Variants in PIP5K1B observed in about 807,000 individuals in gnomAD.
The protein encoded by PIP5K1B is phosphatidylinositol-4-phosphate 5-kinase type 1 beta.
In PIP5K1B, 42 loss-of-function variants were observed where a neutral mutation model predicts 67.0. That is an observed-to-expected ratio of 0.63 (90% CI 0.49 to 0.81). The LOEUF (loss-of-function observed/expected upper bound fraction) is 0.81. PIP5K1B is among the 30% of genes least tolerant of loss of function. The probability of loss-of-function intolerance (pLI) is 0.00; values close to 1 mark genes in which losing one functional copy is unlikely to be tolerated. For synonymous variants in PIP5K1B, 214 were observed against 231.4 expected (o/e 0.92, Z 0.68); for missense variants, 459 against 646.3 (o/e 0.71, Z 3.14).
chr9:68,845,380 G>A (rs1468352271), intron 4 of PIP5K1B, among the ~76,000 whole-genome samples: 2 of 152,230 alleles, frequency 1.3e-5, no homozygotes, highest in African/African-American at 4.8e-5. Flanking sequence ...AGCCAGAGCC[G>A]TGGAGCCGTG....
At chr9:68,801,921 G>A (rs1436666792) in intron 2 of PIP5K1B, among the ~76,000 whole-genome samples, 1 of 152,234 alleles carries the variant, frequency 6.6e-6, no homozygotes, top group Non-Finnish European at 1.5e-5. Context: ...AGAGAGTGAA[G>A]TCAGTGTGTT....
In PIP5K1B at chr9:68,788,222, T is replaced by C. The variant is rs1587450853; in HGVS notation, c.-85-30239T>C. On this transcript the variant is annotated intron_variant, in intron 2 of 15. Transcript: ENST00000265382. ...GGAATGTGTGGGCCCAGGAGGGGAC[T>C]GTCCTAGGAGACAGGCCGATACTTT... 4 of 343,388 alleles carry C rather than the reference T, an allele frequency of 1.2e-5. No homozygotes were observed. In the East Asian group the frequency reaches 3.5e-4, roughly 30 times the overall value. 21.3% of individuals were successfully genotyped at this position (343,388 alleles called of 1,614,324 possible). A position where few individuals can be genotyped will look rare whatever the true frequency, so the allele number is the denominator to read the frequency against.
intron 15 of PIP5K1B, among the ~76,000 whole-genome samples, chr9:69,001,473 C>T (rs897015596): frequency 1.3e-5 from 2 of 152,034 alleles, no homozygotes; most frequent in Non-Finnish European, 2.9e-5. Flanking sequence ...AAACAACTAC[C>T]CAAGACTGGG....
chr9:68,862,345 C>T (rs959913660), intron 4 of PIP5K1B, among the ~76,000 whole-genome samples: 2 of 152,124 alleles, frequency 1.3e-5, no homozygotes, highest in Admixed American at 6.5e-5. Context: ...TGCGAGCCAT[C>T]TGAATAGAAA....
intron 3 of PIP5K1B, chr9:68,822,276 ACAC>A (rs1009571793): frequency 1.3e-4 from 23 of 177,074 alleles, no homozygotes; most frequent in Non-Finnish European, 7.1e-5. Context: ...AGCCATGATC[ACAC>A]CACTGCATTC....
At chr9:68,946,117 C>T (rs2132662203) in intron 14 of PIP5K1B, among the ~76,000 whole-genome samples, 1 of 152,228 alleles carries the variant, frequency 6.6e-6, no homozygotes, top group East Asian at 1.9e-4. Flanking sequence ...TTAGAAAATC[C>T]TATATCTTCT....
Position 68,991,257 on chromosome 9 carries a change from A to G in PIP5K1B, c.1620A>G (p.Leu540=), listed in dbSNP as rs763786022. ...DDNASVLDVY[L] ...ATGCTTCTGTGCTTGACGTCTATTTAGTAAGTAATTTTTTAGTTTCCTCTC... is the reference window on the plus strand; with the variant it reads ...ATGCTTCTGTGCTTGACGTCTATTTGGTAAGTAATTTTTTAGTTTCCTCTC... The change falls in exon 15 of 16, where the codon TTA becomes TTG. Residue 540 remains leucine (L), a splice_region_variant and synonymous_variant. Transcript: ENST00000265382. 36 of 1,555,970 alleles carry G rather than the reference A, an allele frequency of 2.3e-5. No individual in the cohort carries two copies. The highest frequency in any genetic ancestry group is 3.1e-5 in the Non-Finnish European group (35 of 1,127,024).
chr9:68,731,037 T>C (rs1289026457), intron 1 of PIP5K1B, among the ~76,000 whole-genome samples: 1 of 152,244 alleles, frequency 6.6e-6, no homozygotes, highest in African/African-American at 2.4e-5. Context: ...ATGACTTCCA[T>C]AATCTTCACT....
intron 3 of PIP5K1B, among the ~76,000 whole-genome samples, chr9:68,821,629 T>A (rs1833735217): frequency 6.6e-6 from 1 of 152,238 alleles, no homozygotes; most frequent in Admixed American, 6.5e-5. Context: ...GCAGTGTGAA[T>A]GAGTATACTC....
intron 14 of PIP5K1B, among the ~76,000 whole-genome samples, chr9:68,948,256 A>G (rs1827895017): frequency 1.3e-5 from 2 of 152,196 alleles, no homozygotes; most frequent in Non-Finnish European, 1.5e-5. Flanking sequence ...TCCATTTTAA[A>G]AATCAAAACC....
Position 68,873,090 on chromosome 9 carries a change from A to G in PIP5K1B, c.201-3587A>G, listed in dbSNP as rs541361033. On this transcript the variant is annotated intron_variant, in intron 5 of 15. Coordinates refer to ENST00000265382, the MANE Select transcript of PIP5K1B (RefSeq NM_003558.4). ...CTCAATTTACATTCCCACTAACAAT[A>G]TTTCAGAATAGCATTGCCCCTCAAG... is the stretch of plus-strand genomic sequence containing the variant. Among the ~76,000 whole-genome samples, 3 of 152,074 alleles carry G rather than the reference A, an allele frequency of 2.0e-5. 1 individual carries two copies. In the South Asian group the frequency reaches 6.2e-4, roughly 32 times the overall value.
chr9:68,855,340 CTT>C (rs1173436353), intron 4 of PIP5K1B, among the ~76,000 whole-genome samples: 1 of 152,148 alleles, frequency 6.6e-6, no homozygotes, highest in African/African-American at 2.4e-5. Context: ...CCCTCTCTCT[CTT>C]GGTTTTCTCA....
chr9:68,844,652 A>T (rs968046789), intron 4 of PIP5K1B, among the ~76,000 whole-genome samples: 1 of 152,156 alleles, frequency 6.6e-6, no homozygotes, highest in Non-Finnish European at 1.5e-5. Flanking sequence ...GTTTGTTGGT[A>T]GCTCTGACAC....
chr9:68,780,900 G>A, intron 2 of PIP5K1B: 2 of 1,614,176 alleles, frequency 1.2e-6, no homozygotes. Flanking sequence ...TACCCTTGAT[G>A]GAAACAGCAG....
intron 2 of PIP5K1B, among the ~76,000 whole-genome samples, chr9:68,790,326 A>G (rs945055613): frequency 6.6e-6 from 1 of 152,244 alleles, no homozygotes; most frequent in African/African-American, 2.4e-5. Flanking sequence ...CCCTTTGAAA[A>G]CATTCCAGAA....
At chr9:68,814,734 C>T (rs181953264) in intron 2 of PIP5K1B, among the ~76,000 whole-genome samples, 3 of 152,150 alleles carry the variant, frequency 2.0e-5, no homozygotes, top group Admixed American at 1.3e-4. Flanking sequence ...GTGGGAGGAT[C>T]GCTTGAGCCC....
intron 4 of PIP5K1B, among the ~76,000 whole-genome samples, chr9:68,839,308 G>A (rs1165635708): frequency 6.6e-6 from 1 of 151,902 alleles, no homozygotes; most frequent in Non-Finnish European, 1.5e-5. Flanking sequence ...TCTTGGTGGT[G>A]GTGGTTTTGT....
intron 11 of PIP5K1B, among the ~76,000 whole-genome samples, chr9:68,921,605 T>A (rs962515245): frequency 2.6e-5 from 4 of 151,914 alleles, no homozygotes; most frequent in African/African-American, 9.7e-5. Context: ...CCCAACACTT[T>A]GGGGGGAGAC....
At position 68,779,468 on chromosome 9, in the gene PIP5K1B, A is replaced by G. The variant is rs188703683; in HGVS notation, c.-86+36811A>G. 3.5e-4 allele frequency among the ~76,000 whole-genome samples: 53 copies of G among 152,210 alleles called. No homozygotes were observed. In the East Asian group the frequency reaches 0.01, roughly 29 times the overall value. Reference sequence around the variant, plus strand: ...GTAAGGTTTTAATCTCCCAATATGTATTCTCCAGACTGCAGGCCAGTGAGC... The same window carrying G: ...GTAAGGTTTTAATCTCCCAATATGTGTTCTCCAGACTGCAGGCCAGTGAGC... On this transcript the variant is annotated intron_variant, in intron 2 of 15. Transcript: ENST00000265382.
Sources: allele counts gnomAD v4.1 joint callset (sites outside exome capture counted in the v4.1 genomes callset), GRCh38; gene constraint gnomAD v4.1.1; transcripts MANE v1.5; gene names NCBI Gene and HGNC (gene_info 2026-07-23, HGNC 2026-07-21).